CADM1: variants seen among roughly 807,000 people sequenced by gnomAD.
The protein encoded by CADM1 is cell adhesion molecule 1.
A neutral mutation model predicts 53.1 loss-of-function variants in CADM1; 15 were observed. The observed-to-expected ratio is 0.28, with a 90% CI of 0.19 to 0.44. The LOEUF is 0.44. CADM1 is among the 20% of genes least tolerant of loss of function. The pLI is 1.00. For missense variants in CADM1, 434 were observed against 611.3 expected, an observed-to-expected ratio of 0.71 and a Z score of 3.06; for synonymous variants, 281 against 243.0, an observed-to-expected ratio of 1.16 and a Z score of -1.45.
At chr11:115,196,997 T>C (rs1247077057) in intron 9 of CADM1, among the ~76,000 whole-genome samples, 1 of 152,212 alleles carries the variant, frequency 6.6e-6, no homozygotes, top group Non-Finnish European at 1.5e-5. Flanking sequence ...TGATTTCTCA[T>C]GACTGTCAGC....
intron 1 of CADM1, among the ~76,000 whole-genome samples, chr11:115,295,918 G>A (rs1944065719): frequency 6.6e-6 from 1 of 151,892 alleles, no homozygotes; most frequent in Non-Finnish European, 1.5e-5. Flanking sequence ...TTAACTTAAG[G>A]GCTCCGCCTT....
intron 1 of CADM1, among the ~76,000 whole-genome samples, chr11:115,402,482 C>T (rs1362636574): frequency 1.3e-5 from 2 of 152,142 alleles, no homozygotes; most frequent in Non-Finnish European, 2.9e-5. Context: ...AAGATCATGC[C>T]ACTGCCCTCC....
intron 1 of CADM1, among the ~76,000 whole-genome samples, chr11:115,393,980 A>T (rs1482897657): frequency 6.6e-6 from 1 of 152,218 alleles, no homozygotes; most frequent in Non-Finnish European, 1.5e-5. Flanking sequence ...GGATGGTCAG[A>T]AGAAAAAACT....
chr11:115,239,786 T>C (rs1199946649), intron 2 of CADM1, among the ~76,000 whole-genome samples: 2 of 152,068 alleles, frequency 1.3e-5, no homozygotes, highest in African/African-American at 2.4e-5. Flanking sequence ...ATTTCTATTC[T>C]ATACAAGTCC....
chr11:115,176,578 G>A lies in CADM1; in HGVS notation c.1312C>T (p.His438Tyr). Residue 438 changes from histidine to tyrosine, a missense_variant, in exon 12 of 12, where the codon CAT becomes TAT. Coordinates refer to ENST00000331581, the MANE Select transcript of CADM1 (RefSeq NM_001301043.2). ...GCGTCATCGGCTCCTTTGGCTTCAT[G>A]AGTGAAGTATGTACCTGAAAGATGA... ...FARHKGTYFTHEAKGADDAAD... is the reference protein window; with the variant it reads ...FARHKGTYFTYEAKGADDAAD... 6.2e-7 allele frequency: 1 copy of A among 1,613,968 alleles called. No homozygotes were observed. The highest frequency in any genetic ancestry group is 2.2e-5 in the East Asian group (1 of 44,874).
chr11:115,235,677 G>C (rs1941986308), intron 3 of CADM1, among the ~76,000 whole-genome samples: 1 of 152,138 alleles, frequency 6.6e-6, no homozygotes. Context: ...CAAAAGAGGA[G>C]TCTTAAAGCT....
chr11:115,249,971 C>T (rs1464141165), intron 1 of CADM1, among the ~76,000 whole-genome samples: 1 of 52,516 alleles, frequency 1.9e-5, no homozygotes, highest in Non-Finnish European at 7.7e-5. Context: ...GTAGTGCGAT[C>T]TCGGCTCACT....
At chr11:115,451,123 T>C (rs1288460039) in intron 1 of CADM1, among the ~76,000 whole-genome samples, 2 of 152,238 alleles carry the variant, frequency 1.3e-5, no homozygotes, top group African/African-American at 4.8e-5. Flanking sequence ...TCTACACACA[T>C]ATGCTAGAGC....
At chr11:115,445,504 T>TAA (rs11297951) in intron 1 of CADM1, among the ~76,000 whole-genome samples, 1 of 149,346 alleles carries the variant, frequency 6.7e-6, no homozygotes, top group Non-Finnish European at 1.5e-5. Context: ...AATCATTGTT[T>TAA]AAAAAAAAAA....
At chr11:115,498,782 G>A (rs1949674728) in intron 1 of CADM1, among the ~76,000 whole-genome samples, 1 of 152,158 alleles carries the variant, frequency 6.6e-6, no homozygotes, top group African/African-American at 2.4e-5. Context: ...TGTGCGTACG[G>A]CCAGATAATA....
At chr11:115,416,442 T>C (rs916315934) in intron 1 of CADM1, among the ~76,000 whole-genome samples, 2 of 152,170 alleles carry the variant, frequency 1.3e-5, no homozygotes, top group Non-Finnish European at 2.9e-5. Context: ...TAAACTCAAG[T>C]AGCACAAATC....
At chr11:115,424,011 C>A (rs570106637) in intron 1 of CADM1, among the ~76,000 whole-genome samples, 56 of 152,282 alleles carry the variant, frequency 3.7e-4, no homozygotes, top group African/African-American at 1.2e-3. Flanking sequence ...ACTTCAAACT[C>A]CCTGTTGAAT....
chr11:115,179,615 C>T (rs1022923701), intron 10 of CADM1, among the ~76,000 whole-genome samples: 1 of 152,228 alleles, frequency 6.6e-6, no homozygotes, highest in South Asian at 2.1e-4. Flanking sequence ...GCTACATCAC[C>T]CCTTGCTGAA....
At chr11:115,203,910 A>C (rs1319116997) in intron 8 of CADM1, among the ~76,000 whole-genome samples, 1 of 152,206 alleles carries the variant, frequency 6.6e-6, no homozygotes, top group Non-Finnish European at 1.5e-5. Context: ...ATGGACACAT[A>C]CTTTTTGGAG....
At chr11:115,498,993 C>A (rs1041349612) in intron 1 of CADM1, among the ~76,000 whole-genome samples, 6 of 151,956 alleles carry the variant, frequency 3.9e-5, no homozygotes, top group Non-Finnish European at 8.8e-5. Context: ...TGGTATTCTT[C>A]CCACTTTGTA....
chr11:115,407,643 C>G (rs1273405153), intron 1 of CADM1, among the ~76,000 whole-genome samples: 2 of 151,824 alleles, frequency 1.3e-5, no homozygotes, highest in Non-Finnish European at 2.9e-5. Flanking sequence ...CCTGTAATCC[C>G]AACACTTTGG....
chr11:115,340,217 T>C (rs976709366), intron 1 of CADM1: 1 of 152,144 alleles, frequency 6.6e-6, no homozygotes, highest in African/African-American at 2.4e-5. Flanking sequence ...TATCTGTACA[T>C]ACCCAAAATG....
At chr11:115,400,811 T>A (rs556543969) in intron 1 of CADM1, among the ~76,000 whole-genome samples, 1 of 150,428 alleles carries the variant, frequency 6.6e-6, no homozygotes, top group African/African-American at 2.4e-5. Context: ...TGTATGCCTA[T>A]TAGAATGGCC....
intron 1 of CADM1, among the ~76,000 whole-genome samples, chr11:115,495,643 C>T (rs1007273535): frequency 4.6e-5 from 7 of 152,154 alleles, no homozygotes; most frequent in Admixed American, 2.6e-4. Context: ...AGACCTGTCC[C>T]GATGCTGGCC....
Sources: gnomAD v4.1 joint callset for allele counts (sites outside exome capture counted in the v4.1 genomes callset) on GRCh38, gnomAD v4.1.1 for gene constraint, MANE v1.5 for transcripts, NCBI Gene and HGNC (gene_info 2026-07-23, HGNC 2026-07-21) for gene names.